Variants in DOCK1 observed in about 807,000 individuals in gnomAD.
DOCK1 encodes dedicator of cytokinesis protein 1.
Under a neutral mutation model 262.7 loss-of-function variants are expected in DOCK1, and 138 were observed. The ratio of observed to expected loss-of-function variants is 0.53; its 90% CI spans 0.46 to 0.61. The LOEUF is 0.61. Ranked by LOEUF, DOCK1 falls within the 20% of genes least tolerant of loss-of-function variation. The probability of loss-of-function intolerance (pLI) is 0.00; values close to 1 mark genes in which losing one functional copy is unlikely to be tolerated. For synonymous variants in DOCK1, 866 were observed against 867.4 expected (o/e 1.00, Z 0.03); for missense variants, 1,908 against 2,370.7 (o/e 0.80, Z 4.05).
chr10:127,050,592 C>T (rs995042209), intron 21 of DOCK1, among the ~76,000 whole-genome samples: 1 of 151,484 alleles, frequency 6.6e-6, no homozygotes, highest in Non-Finnish European at 1.5e-5. Flanking sequence ...GCATCTGTAG[C>T]TGTGTGGGAG....
intron 29 of DOCK1, among the ~76,000 whole-genome samples, chr10:127,276,459 G>T (rs150487250): frequency 6.6e-6 from 1 of 152,204 alleles, no homozygotes; most frequent in East Asian, 1.9e-4. Flanking sequence ...CAGAACTATC[G>T]GCTGTTTGAT....
At chr10:127,357,979 C>T (rs746529066) in intron 32 of DOCK1, among the ~76,000 whole-genome samples, 1 of 151,000 alleles carries the variant, frequency 6.6e-6, no homozygotes, top group Non-Finnish European at 1.5e-5. Context: ...ATGTATACAA[C>T]CTACTTTCTA....
At chr10:127,398,199 A>G (rs2067026611) in intron 38 of DOCK1, among the ~76,000 whole-genome samples, 1 of 152,228 alleles carries the variant, frequency 6.6e-6, no homozygotes, top group Non-Finnish European at 1.5e-5. Context: ...CAAAAAGTCA[A>G]TCCTGCACCC....
At chr10:127,450,920 T>C (rs2070919612) in intron 51 of DOCK1, among the ~76,000 whole-genome samples, 1 of 152,100 alleles carries the variant, frequency 6.6e-6, no homozygotes, top group Admixed American at 6.6e-5. Flanking sequence ...TCTAGCCCTT[T>C]CCAGGAGAAG....
chr10:127,377,300 C>G (rs949967988), intron 35 of DOCK1, among the ~76,000 whole-genome samples: 5 of 152,054 alleles, frequency 3.3e-5, no homozygotes, highest in African/African-American at 1.2e-4. Flanking sequence ...TCCCTTTTCT[C>G]CTGGTACTTT....
At chr10:126,980,149 G>A (rs1157256157) in intron 3 of DOCK1, among the ~76,000 whole-genome samples, 1 of 152,114 alleles carries the variant, frequency 6.6e-6, no homozygotes, top group East Asian at 1.9e-4. Flanking sequence ...CCTGAACACA[G>A]CAACCCAGCG....
chr10:127,000,751 T>TCTCCGCCATGTTGGTGTTGTTC (rs2040527379), intron 10 of DOCK1: 1 of 159,104 alleles, frequency 6.3e-6, no homozygotes, highest in African/African-American at 2.4e-5. Context: ...TGGTGCTGTT[T>TCTCCGCCATGTTGGTGTTGTTC]CTCCGCCATG....
intron 38 of DOCK1, among the ~76,000 whole-genome samples, chr10:127,399,121 G>T (rs77315041): frequency 1.3e-5 from 2 of 152,140 alleles, no homozygotes; most frequent in African/African-American, 4.8e-5. Context: ...ACCGTGCTCC[G>T]TGCTGCAAGT....
chr10:127,190,664 T>TCCCCCCCCCCCCCCC (rs1491352928), intron 27 of DOCK1, among the ~76,000 whole-genome samples: 1 of 15,230 alleles, frequency 6.6e-5, no homozygotes, highest in Non-Finnish European at 1.1e-4. Flanking sequence ...AAATCCTATC[T>TCCCCCCCCCCCCCCC]TCCCCCCCCC....
chr10:127,099,912 C>T (rs770499426), intron 23 of DOCK1, among the ~76,000 whole-genome samples: 38 of 152,048 alleles, frequency 2.5e-4, no homozygotes, highest in Non-Finnish European at 3.8e-4. Flanking sequence ...TTGGGTGGGG[C>T]GGCAGAGCAG....
At chr10:127,411,650 GA>G (rs2067854477) in intron 43 of DOCK1, among the ~76,000 whole-genome samples, 1 of 152,112 alleles carries the variant, frequency 6.6e-6, no homozygotes, top group African/African-American at 2.4e-5. Flanking sequence ...AGACCAGCCT[GA>G]CCAACATGGT....
Position 126,977,934 on chromosome 10 carries a change from T to G in DOCK1, c.131-14T>G. ...TCTCTTTGTACTAACTGTTTCAACT[T>G]TGTGTTTGTTTAGGGTGGTACCGAG... On this transcript the variant is annotated splice_polypyrimidine_tract_variant and intron_variant, in intron 2 of 51. Coordinates refer to ENST00000623213, the MANE Select transcript of DOCK1 (RefSeq NM_001290223.2). 6.2e-7 allele frequency: 1 copy of G among 1,613,900 alleles called. No homozygotes were observed. Among genetic ancestry groups the G allele is most frequent in the African/African-American group, 1.3e-5 (1 of 75,058 alleles).
At chr10:127,173,977 G>C (rs1384133938) in intron 27 of DOCK1, among the ~76,000 whole-genome samples, 1 of 152,186 alleles carries the variant, frequency 6.6e-6, no homozygotes, top group East Asian at 1.9e-4. Flanking sequence ...CCCAGGGCAG[G>C]ACCTGCCCCA....
chr10:127,092,864 G>A (rs967848451), intron 23 of DOCK1, among the ~76,000 whole-genome samples: 1 of 152,196 alleles, frequency 6.6e-6, no homozygotes, highest in Non-Finnish European at 1.5e-5. Flanking sequence ...CTTTCCCCAG[G>A]TCATGGGAGA....
Position 127,415,299 on chromosome 10 carries a change from G to C in DOCK1, c.4515+61G>C. 4 of 1,527,546 alleles carry C rather than the reference G, an allele frequency of 2.6e-6. No homozygotes were observed. In the South Asian group the frequency reaches 3.6e-5, roughly 14 times the overall value. 94.6% of individuals were successfully genotyped at this position (1,527,546 alleles called of 1,614,324 possible). On this transcript the variant is annotated intron_variant, in intron 44 of 51. Coordinates refer to ENST00000623213, the MANE Select transcript of DOCK1 (RefSeq NM_001290223.2). ...TCCCTTCCTCAATACAGTCTGCCACGCCTTCTTCACCTGCTCATGCCCCGT... is the reference window on the plus strand; with the variant it reads ...TCCCTTCCTCAATACAGTCTGCCACCCCTTCTTCACCTGCTCATGCCCCGT...
At chr10:127,008,656 A>G (rs1166239537) in intron 10 of DOCK1, 76 bp from the exon 11 acceptor site, 4 of 1,230,356 alleles carry the variant, frequency 3.3e-6, no homozygotes, top group African/African-American at 3.0e-5. Context: ...AGATATTCTG[A>G]TGTTCCTTTG....
At chr10:127,143,246 C>T (rs542204038) in intron 27 of DOCK1, among the ~76,000 whole-genome samples, 3 of 152,108 alleles carry the variant, frequency 2.0e-5, no homozygotes, top group Admixed American at 6.5e-5. Context: ...TCTGGTGCCC[C>T]GGAGCTTGCT....
At chr10:126,922,541 C>T (rs566246837) in intron 1 of DOCK1, among the ~76,000 whole-genome samples, 1 of 152,214 alleles carries the variant, frequency 6.6e-6, no homozygotes, top group African/African-American at 2.4e-5. Flanking sequence ...GAGGATGGTG[C>T]GAAGCCATTC....
intron 1 of DOCK1, among the ~76,000 whole-genome samples, chr10:126,953,103 G>A (rs1218543605): frequency 6.6e-6 from 1 of 151,774 alleles, no homozygotes; most frequent in Admixed American, 6.6e-5. Flanking sequence ...TGATGGTTGT[G>A]AAGTATTGGT....
Sources: gnomAD v4.1 joint callset for allele counts (sites outside exome capture counted in the v4.1 genomes callset) on GRCh38, gnomAD v4.1.1 for gene constraint, MANE v1.5 for transcripts, NCBI Gene and HGNC (gene_info 2026-07-23, HGNC 2026-07-21) for gene names.